The following ZEB1 variants were observed in gnomAD, a reference collection of about 807,000 sequenced individuals.
The protein encoded by ZEB1 is zinc finger E-box-binding homeobox 1.
In ZEB1, 21 loss-of-function variants were observed where a neutral mutation model predicts 84.9. The ratio of observed to expected loss-of-function variants is 0.25; its 90% CI spans 0.18 to 0.36. The LOEUF (loss-of-function observed/expected upper bound fraction) is 0.36, where lower values mean the gene tolerates loss of function less well. Ranked by LOEUF, ZEB1 falls within the 10% of genes least tolerant of loss-of-function variation. The pLI is 1.00. For missense variants in ZEB1, 1,104 were observed against 1,330.2 expected (o/e 0.83, Z 2.65); for synonymous variants, 420 against 471.1 (o/e 0.89, Z 1.41).
At chr10:31,323,014 C>G (rs1274188144) in intron 1 of ZEB1, among the ~76,000 whole-genome samples, 4 of 152,020 alleles carry the variant, frequency 2.6e-5, no homozygotes, top group Non-Finnish European at 1.5e-5. Context: ...TTAAATTAGG[C>G]ATAAGCATTT....
intron 1 of ZEB1, among the ~76,000 whole-genome samples, chr10:31,337,638 A>G (rs948653132): frequency 6.8e-6 from 1 of 146,208 alleles, no homozygotes; most frequent in Non-Finnish European, 1.5e-5. Flanking sequence ...ATTTTATACT[A>G]TCTTTGTATT....
At chr10:31,414,701 C>A (rs1017991055) in intron 1 of ZEB1, among the ~76,000 whole-genome samples, 1 of 152,176 alleles carries the variant, frequency 6.6e-6, no homozygotes, top group Non-Finnish European at 1.5e-5. Context: ...AATGTCTGAT[C>A]ATGATATCCT....
intron 1 of ZEB1, among the ~76,000 whole-genome samples, chr10:31,388,269 G>A (rs1426321114): frequency 8.5e-5 from 13 of 152,050 alleles, no homozygotes; most frequent in Admixed American, 7.9e-4. Flanking sequence ...TTAAAGTACT[G>A]GTGAAGACAT....
intron 5 of ZEB1, 73 bp from the exon 6 acceptor site, chr10:31,514,530 C>T (rs1005584217): frequency 7.4e-7 from 1 of 1,356,484 alleles, no homozygotes; most frequent in African/African-American, 1.4e-5. Flanking sequence ...AAATGTCACT[C>T]TTAGTAGATT....
intron 1 of ZEB1, among the ~76,000 whole-genome samples, chr10:31,340,047 A>T (rs1439199039): frequency 6.6e-6 from 1 of 152,214 alleles, no homozygotes; most frequent in Non-Finnish European, 1.5e-5. Flanking sequence ...AATGTTTCTC[A>T]GAAAGTGAGA....
At chr10:31,403,064 T>G (rs1381881628) in intron 1 of ZEB1, among the ~76,000 whole-genome samples, 1 of 152,124 alleles carries the variant, frequency 6.6e-6, no homozygotes, top group Non-Finnish European at 1.5e-5. Flanking sequence ...TAGGAGAGGC[T>G]TACCATAGAA....
At chr10:31,327,174 G>A (rs1386946271) in intron 1 of ZEB1, among the ~76,000 whole-genome samples, 7 of 141,220 alleles carry the variant, frequency 5.0e-5, no homozygotes, top group African/African-American at 1.7e-4. Context: ...GTAAAGGCGC[G>A]ATATCAGCTC....
In ZEB1 at chr10:31,529,365, C is replaced by A. The variant is rs1370756344; in HGVS notation, c.*2101C>A. 6.6e-6 allele frequency: 1 copy of A among 152,210 alleles called. No individual in the cohort carries two copies. Among genetic ancestry groups the A allele is most frequent in the East Asian group, 1.9e-4 (1 of 5,202 alleles). 9.4% of individuals were successfully genotyped at this position (152,210 alleles called of 1,614,324 possible). ...TGGATTTTCTTGTGGCTAAATGTTT[C>A]TGGAGAGGTCAGAGTTGACAAAACC... On this transcript the variant is annotated 3_prime_UTR_variant, in exon 9 of 9. Transcript: ENST00000424869.
At chr10:31,452,036 T>C (rs545878083) in intron 1 of ZEB1, among the ~76,000 whole-genome samples, 14 of 152,230 alleles carry the variant, frequency 9.2e-5, no homozygotes, top group African/African-American at 3.1e-4. Flanking sequence ...CCACCCCTTT[T>C]GCAGGGGTAA....
At chr10:31,456,424 A>G (rs2137258898) in intron 1 of ZEB1, among the ~76,000 whole-genome samples, 1 of 152,220 alleles carries the variant, frequency 6.6e-6, no homozygotes, top group African/African-American at 2.4e-5. Context: ...GACTATAAGG[A>G]TGATATTATG....
At chr10:31,319,088 G>A (rs1414721411), upstream of ZEB1, 1 of 688,190 alleles carries the variant, frequency 1.5e-6, no homozygotes, top group South Asian at 1.7e-5. Context: ...AGAGCCTCTA[G>A]GTGTAAGGAA....
chr10:31,526,070 C>T (rs1364296287), intron 8 of ZEB1, among the ~76,000 whole-genome samples: 1 of 152,208 alleles, frequency 6.6e-6, no homozygotes, highest in Non-Finnish European at 1.5e-5. Context: ...CCCATGCGTT[C>T]TCAGGAGGGG....
chr10:31,321,103 C>A (rs866408301), intron 1 of ZEB1: 28 of 1,003,798 alleles, frequency 2.8e-5, no homozygotes, highest in Middle Eastern at 5.0e-4. Context: ...CTCTCGTGCT[C>A]CCCCAGCCCC....
intron 1 of ZEB1, chr10:31,363,923 G>GTGCAGGAGC (rs1001846894): frequency 7.6e-7 from 1 of 1,311,294 alleles, no homozygotes; most frequent in Non-Finnish European, 9.8e-7. Context: ...GCAGGCACAG[G>GTGCAGGAGC]TGCAGGAGCT....
At chr10:31,493,241 A>G (rs189828894) in intron 2 of ZEB1, among the ~76,000 whole-genome samples, 22 of 152,052 alleles carry the variant, frequency 1.4e-4, no homozygotes, top group Admixed American at 1.1e-3. Flanking sequence ...TGACTTTTTC[A>G]TTCTCTATAA....
At chr10:31,333,164 T>G (rs2037170578) in intron 1 of ZEB1, among the ~76,000 whole-genome samples, 1 of 152,168 alleles carries the variant, frequency 6.6e-6, no homozygotes, top group East Asian at 1.9e-4. Context: ...GACAGTATAT[T>G]AAGCATGTGG....
chr10:31,516,633 C>T (rs933560673), intron 6 of ZEB1, among the ~76,000 whole-genome samples: 5 of 142,878 alleles, frequency 3.5e-5, no homozygotes, highest in African/African-American at 1.3e-4. Context: ...CCATAGAAAA[C>T]GTTATTCCTT....
chr10:31,379,966 A>G (rs1471354915), intron 1 of ZEB1, among the ~76,000 whole-genome samples: 2 of 152,184 alleles, frequency 1.3e-5, no homozygotes, highest in Non-Finnish European at 2.9e-5. Flanking sequence ...ATTACATCCA[A>G]CAAAATTAAC....
chr10:31,522,006 TAATA>T lies in ZEB1; in HGVS notation c.2604+75_2604+78del, dbSNP rs534158159. On this transcript the variant is annotated intron_variant, in intron 7 of 8. Transcript: ENST00000424869. ...TTGACTAATTTCAATTAACTTTGTC[TAATA>T]AATATCAGTCCCGTAGAGCCAACTA... 95 of 1,602,156 alleles carry T rather than the reference TAATA, an allele frequency of 5.9e-5. No individual in the cohort carries two copies. The African/African-American group carries it at 1.0e-3, about 18-fold the overall frequency.
Sources: gnomAD v4.1 joint callset for allele counts (sites outside exome capture counted in the v4.1 genomes callset) on GRCh38, gnomAD v4.1.1 for gene constraint, MANE v1.5 for transcripts, NCBI Gene and HGNC (gene_info 2026-07-23, HGNC 2026-07-21) for gene names.